MAPT: variants seen among roughly 807,000 people sequenced by gnomAD.
MAPT encodes microtubule-associated protein tau.
Under a neutral mutation model 67.9 loss-of-function variants are expected in MAPT, and 34 were observed. The observed-to-expected ratio is 0.50, with a 90% CI of 0.38 to 0.67. The LOEUF (loss-of-function observed/expected upper bound fraction) is 0.67, where lower values mean the gene tolerates loss of function less well. Among genes scored for constraint, MAPT ranks in the 30% least tolerant of loss-of-function variants. The pLI is 0.00. For missense variants in MAPT, 881 were observed against 1,115.2 expected (o/e 0.79, Z 2.99); for synonymous variants, 456 against 464.5 (o/e 0.98, Z 0.23).
intron 9 of MAPT, among the ~76,000 whole-genome samples, chr17:46,003,099 CGT>C (rs72293848): frequency 7.5e-4 from 108 of 144,810 alleles, no homozygotes; most frequent in South Asian, 1.1e-3. Flanking sequence ...TTTTTAAGGG[CGT>C]GTGTGTGTGT....
At chr17:45,984,532 T>C (rs62063789) in intron 5 of MAPT, among the ~76,000 whole-genome samples, 22,088 of 152,214 alleles carry the variant, frequency 0.15, 2,146 homozygotes, top group Non-Finnish European at 0.22. Flanking sequence ...ACACAGCAGG[T>C]GACACACACA....
intron 1 of MAPT, among the ~76,000 whole-genome samples, chr17:45,930,856 G>C (rs1286305346): frequency 1.3e-5 from 2 of 152,130 alleles, no homozygotes; most frequent in African/African-American, 2.4e-5. Flanking sequence ...TCATGGCTGC[G>C]GGGACTACAC....
chr17:46,015,983 G>T (rs1300319659), intron 11 of MAPT, among the ~76,000 whole-genome samples: 1 of 152,168 alleles, frequency 6.6e-6, no homozygotes, highest in Non-Finnish European at 1.5e-5. Flanking sequence ...CAGCTATATG[G>T]ATGCATGAGC....
Position 45,983,662 on chromosome 17 carries a change from G to C in MAPT, c.1083G>C (p.Gly361=). The C allele has an allele frequency of 1.9e-6, 3 of 1,614,052 alleles. No homozygotes were observed. Among genetic ancestry groups the C allele is most frequent in the African/African-American group, 1.3e-5 (1 of 75,070 alleles). ...STEIPASEPD[G]PSVGRAKGQD... is the part of the protein sequence containing the mutation. ...AGATCCCAGCCTCAGAGCCCGACGG[G>C]CCCAGTGTAGGGCGGGCCAAAGGGC... The change falls in exon 5 of 13, where the codon GGG becomes GGC. Residue 361 remains glycine, a synonymous_variant. Coordinates refer to ENST00000262410, the MANE Select transcript of MAPT (RefSeq NM_001377265.1).
chr17:45,986,310 G>A (rs1051133185), intron 5 of MAPT, among the ~76,000 whole-genome samples: 4 of 152,202 alleles, frequency 2.6e-5, no homozygotes, highest in Non-Finnish European at 5.9e-5. Context: ...GGCCCTGGGG[G>A]TACAACCAGC....
At chr17:45,935,041 G>A (rs935102156) in intron 1 of MAPT, among the ~76,000 whole-genome samples, 10 of 152,138 alleles carry the variant, frequency 6.6e-5, no homozygotes, top group African/African-American at 1.9e-4. Context: ...GGGAAGGTCC[G>A]TGGCTACCCA....
At position 45,910,571 on chromosome 17, in the gene MAPT, T is replaced by C. The variant is rs1438425707; in HGVS notation, c.-18+15885T>C. On this transcript the variant is annotated intron_variant, in intron 1 of 12. Transcript: ENST00000262410. ...CCCCCAAAGACAAAAAAAAAGTGTT[T>C]TTGCTTTTGTTTTGTTTTTCATGGG... Among the ~76,000 whole-genome samples, 3 of 152,000 alleles carry C rather than the reference T, an allele frequency of 2.0e-5. 1 individual carries two copies. The highest frequency in any genetic ancestry group is 4.4e-5 in the Non-Finnish European group (3 of 68,002).
intron 1 of MAPT, among the ~76,000 whole-genome samples, chr17:45,923,363 G>A (rs1330488114): frequency 6.6e-6 from 1 of 152,166 alleles, no homozygotes; most frequent in African/African-American, 2.4e-5. Flanking sequence ...ATAGAGCAGA[G>A]GGCTCCCAGA....
chr17:45,945,116 T>A (rs1477085579), intron 1 of MAPT, among the ~76,000 whole-genome samples: 1 of 152,188 alleles, frequency 6.6e-6, no homozygotes, highest in African/African-American at 2.4e-5. Flanking sequence ...GGCTTCATGA[T>A]TGGTTGGTGG....
rs555285127 is a variant in MAPT at position 46,008,279 on chromosome 17, G to A, written c.1999-2031G>A. ...TAACTTTTGTATTTTTAGTACAGACGGGGTTTCACCACGTTGGCCAGGCTG... is the reference window on the plus strand; with the variant it reads ...TAACTTTTGTATTTTTAGTACAGACAGGGTTTCACCACGTTGGCCAGGCTG... On this transcript the variant is annotated intron_variant, in intron 9 of 12. Coordinates refer to ENST00000262410, the MANE Select transcript of MAPT (RefSeq NM_001377265.1). Among the ~76,000 whole-genome samples the A allele has an allele frequency of 6.6e-5, 10 of 152,208 alleles. No homozygotes were observed. In the South Asian group the frequency reaches 1.7e-3, roughly 25 times the overall value.
At chr17:45,928,688 T>A (rs1286088482) in intron 1 of MAPT, among the ~76,000 whole-genome samples, 1 of 151,560 alleles carries the variant, frequency 6.6e-6, no homozygotes, top group Non-Finnish European at 1.5e-5. Flanking sequence ...ATATATATAT[T>A]TTGTTTGTTT....
intron 1 of MAPT, among the ~76,000 whole-genome samples, chr17:45,924,454 C>A (rs994303162): frequency 6.6e-6 from 1 of 152,230 alleles, no homozygotes; most frequent in East Asian, 1.9e-4. Flanking sequence ...CTCCACTCCT[C>A]TTTGCTGTCC....
chr17:45,916,603 C>G (rs923160432), intron 1 of MAPT, among the ~76,000 whole-genome samples: 2 of 152,182 alleles, frequency 1.3e-5, no homozygotes, highest in African/African-American at 4.8e-5. Flanking sequence ...GAACAGCCCC[C>G]AAATGTGTGA....
At chr17:45,993,824 C>A in intron 8 of MAPT, 1 of 1,257,878 alleles carries the variant, frequency 7.9e-7, no homozygotes, top group Admixed American at 2.0e-5. Context: ...AGAATGGGGC[C>A]CCTGCTGGGC....
chr17:45,976,465 T>TGCAGCATTC (rs2072364749), intron 3 of MAPT: 1 of 152,032 alleles, frequency 6.6e-6, no homozygotes, highest in Non-Finnish European at 1.5e-5. Context: ...GGTGGGGAGG[T>TGCAGCATTC]TCTAGAGTTG....
intron 1 of MAPT, among the ~76,000 whole-genome samples, chr17:45,921,978 T>C (rs2065775296): frequency 6.6e-6 from 1 of 151,982 alleles, no homozygotes; most frequent in Non-Finnish European, 1.5e-5. Flanking sequence ...GAGGCGCCTC[T>C]TTCTGGCTCC....
intron 1 of MAPT, among the ~76,000 whole-genome samples, chr17:45,918,343 G>T (rs1019517962): frequency 6.6e-6 from 1 of 152,202 alleles, no homozygotes; most frequent in South Asian, 2.1e-4. Context: ...TGCAGAGCCA[G>T]TAAGATGTGG....
At chr17:45,998,769 G>A (rs949735855) in intron 9 of MAPT, among the ~76,000 whole-genome samples, 6 of 152,086 alleles carry the variant, frequency 3.9e-5, no homozygotes, top group Admixed American at 6.5e-5. Flanking sequence ...GCGCTCCCTC[G>A]TCTCCAGACT....
intron 1 of MAPT, among the ~76,000 whole-genome samples, chr17:45,923,893 C>T (rs1489798749): frequency 6.6e-6 from 1 of 152,176 alleles, no homozygotes; most frequent in Non-Finnish European, 1.5e-5. Flanking sequence ...GTTTCCTCAT[C>T]TGTAAGATTG....
Sources: allele counts gnomAD v4.1 joint callset (sites outside exome capture counted in the v4.1 genomes callset), GRCh38; gene constraint gnomAD v4.1.1; transcripts MANE v1.5; gene names NCBI Gene and HGNC (gene_info 2026-07-23, HGNC 2026-07-21).